DPYD: variants seen among roughly 807,000 people sequenced by gnomAD.
DPYD encodes the protein dihydropyrimidine dehydrogenase [NADP(+)].
A neutral mutation model predicts 116.2 loss-of-function variants in DPYD; 109 were observed. That is an observed-to-expected ratio of 0.94 (90% CI 0.80 to 1.10). The LOEUF (loss-of-function observed/expected upper bound fraction) is 1.10. DPYD is among the 50% of genes least tolerant of loss of function. The pLI is 0.00. For synonymous variants in DPYD, 440 were observed against 432.0 expected (o/e 1.02, Z -0.23); for missense variants, 1,302 against 1,254.5 (o/e 1.04, Z -0.57).
At chr1:97,561,309 TACA>T (rs1233162447) in intron 11 of DPYD, among the ~76,000 whole-genome samples, 2 of 152,130 alleles carry the variant, frequency 1.3e-5, no homozygotes, top group South Asian at 2.1e-4. Flanking sequence ...ACCTCACAAA[TACA>T]ACACTTTCAC....
At chr1:97,809,334 G>A (rs545681312) in intron 3 of DPYD, among the ~76,000 whole-genome samples, 2 of 152,164 alleles carry the variant, frequency 1.3e-5, no homozygotes, top group East Asian at 1.9e-4. Flanking sequence ...ATTCATGCAT[G>A]CCTGTGATTC....
intron 16 of DPYD, among the ~76,000 whole-genome samples, chr1:97,355,747 T>G (rs1048529803): frequency 3.3e-5 from 5 of 152,188 alleles, no homozygotes; most frequent in South Asian, 4.1e-4. Context: ...TTGTTCCAAG[T>G]GACACAATTT....
At chr1:97,693,125 C>A (rs1661104816) in intron 6 of DPYD, among the ~76,000 whole-genome samples, 1 of 151,384 alleles carries the variant, frequency 6.6e-6, no homozygotes, top group African/African-American at 2.4e-5. Flanking sequence ...CCCGTCTCTA[C>A]TAAAAATACA....
intron 21 of DPYD, among the ~76,000 whole-genome samples, chr1:97,095,570 T>C (rs900165215): frequency 3.3e-5 from 5 of 151,652 alleles, no homozygotes; most frequent in Non-Finnish European, 4.4e-5. Flanking sequence ...ACGGCAAAAA[T>C]CACAAAATGA....
intron 18 of DPYD, among the ~76,000 whole-genome samples, chr1:97,271,085 A>G (rs912892818): frequency 7.2e-5 from 11 of 152,270 alleles, no homozygotes; most frequent in African/African-American, 2.6e-4. Flanking sequence ...ATTCATAGAG[A>G]AGGTTTGTTG....
intron 7 of DPYD, among the ~76,000 whole-genome samples, chr1:97,683,078 A>T (rs1020003335): frequency 6.6e-6 from 1 of 152,044 alleles, no homozygotes. Context: ...CTTCAAATAA[A>T]ATAGGTGATG....
intron 2 of DPYD, among the ~76,000 whole-genome samples, chr1:97,874,253 C>T (rs972541663): frequency 6.6e-6 from 1 of 151,758 alleles, no homozygotes; most frequent in African/African-American, 2.4e-5. Flanking sequence ...CTTCTCAGCA[C>T]AGAGATGGAA....
At chr1:97,194,511 A>G (rs1176679058) in intron 19 of DPYD, among the ~76,000 whole-genome samples, 1 of 151,502 alleles carries the variant, frequency 6.6e-6, no homozygotes, top group South Asian at 2.1e-4. Context: ...TTATTTATTT[A>G]TTTATTTATT....
intron 16 of DPYD, among the ~76,000 whole-genome samples, chr1:97,353,838 T>G (rs1467823009): frequency 6.6e-6 from 1 of 152,188 alleles, no homozygotes; most frequent in Admixed American, 6.5e-5. Flanking sequence ...ATCATCAAGA[T>G]ATCTATCAAT....
intron 8 of DPYD, among the ~76,000 whole-genome samples, chr1:97,642,291 T>C (rs924490598): frequency 6.6e-6 from 1 of 152,020 alleles, no homozygotes; most frequent in African/African-American, 2.4e-5. Context: ...CAAGAAAACA[T>C]TAAGCATGAA....
At chr1:97,456,102 G>A (rs1365699923) in intron 13 of DPYD, among the ~76,000 whole-genome samples, 1 of 151,358 alleles carries the variant, frequency 6.6e-6, no homozygotes, top group East Asian at 1.9e-4. Flanking sequence ...AAATTATCAT[G>A]ACCTATATCC....
intron 21 of DPYD, among the ~76,000 whole-genome samples, chr1:97,084,627 T>G (rs1308789583): frequency 6.6e-6 from 1 of 152,120 alleles, no homozygotes; most frequent in African/African-American, 2.4e-5. Flanking sequence ...CCTCATGCAT[T>G]TAATAGTTGA....
chr1:97,775,632 T>A (rs1666356618), intron 3 of DPYD, among the ~76,000 whole-genome samples: 1 of 152,198 alleles, frequency 6.6e-6, no homozygotes, highest in African/African-American at 2.4e-5. Context: ...GCTCTGTTTT[T>A]ACTCAACATG....
chr1:97,242,124 GTATATATATATATATATATATATATATA>G (rs71590220), intron 18 of DPYD, among the ~76,000 whole-genome samples: 25 of 35,862 alleles, frequency 7.0e-4, no homozygotes, highest in Non-Finnish European at 1.0e-3. Context: ...GTGTGCGTGT[GTATATATATATATATATATATATATATA>G]TATATATATA....
chr1:97,584,236 C>T (rs1008967426), intron 10 of DPYD, among the ~76,000 whole-genome samples: 2 of 152,116 alleles, frequency 1.3e-5, no homozygotes, highest in Admixed American at 6.5e-5. Context: ...CTGTTCATAT[C>T]CTTTGCCCAC....
intron 12 of DPYD, among the ~76,000 whole-genome samples, chr1:97,521,860 C>T (rs7529624): frequency 9.6e-4 from 146 of 152,036 alleles, no homozygotes; most frequent in Middle Eastern, 3.4e-3. Flanking sequence ...AGCCATATGC[C>T]GAAAACTGAA....
At chr1:97,890,692 A>G (rs897210046) in intron 1 of DPYD, among the ~76,000 whole-genome samples, 1 of 151,996 alleles carries the variant, frequency 6.6e-6, no homozygotes, top group African/African-American at 2.4e-5. Context: ...ATTGAGAAAT[A>G]AAAAGACACA....
chr1:97,154,591 G>A (rs1010712857), intron 20 of DPYD, among the ~76,000 whole-genome samples: 1 of 151,830 alleles, frequency 6.6e-6, no homozygotes, highest in Middle Eastern at 3.4e-3. Context: ...CATTAGCCAT[G>A]TTATTAGCCA....
chr1:97,276,875 T>A (rs549089605), intron 18 of DPYD, among the ~76,000 whole-genome samples: 5 of 152,176 alleles, frequency 3.3e-5, no homozygotes, highest in African/African-American at 1.2e-4. Context: ...CAAAGGGAAA[T>A]AAATTGTTCT....
Sources: allele counts gnomAD v4.1 joint callset (sites outside exome capture counted in the v4.1 genomes callset), GRCh38; gene constraint gnomAD v4.1.1; transcripts MANE v1.5; gene names NCBI Gene and HGNC (gene_info 2026-07-23, HGNC 2026-07-21).